Variants in MEGF9 observed in about 807,000 individuals in gnomAD.
The protein encoded by MEGF9 is multiple EGF like domains 9.
In MEGF9, 6 loss-of-function variants were observed where a neutral mutation model predicts 46.8. The ratio of observed to expected loss-of-function variants is 0.13; its 90% CI spans 0.07 to 0.25. MEGF9 has a LOEUF of 0.25. Ranked by LOEUF, MEGF9 falls within the 10% of genes least tolerant of loss-of-function variation. The probability of loss-of-function intolerance (pLI) is 1.00; values close to 1 mark genes in which losing one functional copy is unlikely to be tolerated. For synonymous variants in MEGF9, 302 were observed against 330.7 expected, an observed-to-expected ratio of 0.91 and a Z score of 0.94; for missense variants, 683 against 792.4, an observed-to-expected ratio of 0.86 and a Z score of 1.66.
chr9:120,605,240 G>A lies in MEGF9; in HGVS notation c.1759C>T (p.Pro587Ser), dbSNP rs367917074. 51 of 1,613,860 alleles carry A rather than the reference G, an allele frequency of 3.2e-5. No individual in the cohort carries two copies. Among genetic ancestry groups the A allele is most frequent in the Non-Finnish European group, 4.1e-5 (48 of 1,179,886 alleles). The change falls in exon 6 of 6, where the codon CCC becomes TCC. Residue 587 changes from proline (P) to serine (S), a missense_variant. Physicochemically the swap from Pro to Ser is moderately conservative, Grantham distance 74 (BLOSUM62 -1). Coordinates refer to ENST00000373930, the MANE Select transcript of MEGF9 (RefSeq NM_001080497.3). The surrounding 1 kb of genome is among the most constrained non-coding windows in gnomAD (Gnocchi z 4.0). Reference sequence around the variant, plus strand: ...GTCGTCAGGGTCAGCTGCCCATTGGGAGCCACTTCATTGCCATCATCTTCC... The same window carrying A: ...GTCGTCAGGGTCAGCTGCCCATTGGAAGCCACTTCATTGCCATCATCTTCC... The part of the protein sequence containing the change: ...LLEDDGNEVA[P>S]NGQLTLTTPI...
intron 3 of MEGF9, among the ~76,000 whole-genome samples, chr9:120,619,796 T>C: frequency 6.6e-6 from 1 of 152,234 alleles, no homozygotes; most frequent in East Asian, 1.9e-4. Flanking sequence ...CAAATTGCTT[T>C]CCAAAATGTT....
chr9:120,649,611 A>ATTTTCTTACTTGTTATTAAT (rs1412860589), intron 2 of MEGF9, among the ~76,000 whole-genome samples: 1 of 152,008 alleles, frequency 6.6e-6, no homozygotes, highest in African/African-American at 2.4e-5. Flanking sequence ...TAGGTAAATA[A>ATTTTCTTACTTGTTATTAAT]TTTTCTTACT....
At chr9:120,706,847 CAGAA>C (rs2043931472) in intron 1 of MEGF9, among the ~76,000 whole-genome samples, 1 of 151,950 alleles carries the variant, frequency 6.6e-6, no homozygotes, top group South Asian at 2.1e-4. Context: ...AAGAAAAAAA[CAGAA>C]AGAAGAAAAG....
intron 1 of MEGF9, among the ~76,000 whole-genome samples, chr9:120,683,925 TA>T (rs1587994773): frequency 2.6e-5 from 4 of 151,012 alleles, no homozygotes; most frequent in African/African-American, 9.7e-5. Context: ...ACAAAAAACT[TA>T]CAAGGAAAAA....
chr9:120,622,743 G>A lies in MEGF9; in HGVS notation c.816C>T (p.Cys272=), dbSNP rs987380360. The change falls in exon 3 of 6, where the codon TGC becomes TGT. Residue 272 remains cysteine, a synonymous_variant. Coordinates refer to ENST00000373930, the MANE Select transcript of MEGF9 (RefSeq NM_001080497.3). ...AGCCAATGACACCCACTTTGCACTG[G>A]CATTTCCCAGAACTGCAAATAAAAG... ...LSIPCNSSGK[C]QCKVGVIGSI... is the part of the protein sequence containing the mutation. 6.2e-7 allele frequency: 1 copy of A among 1,613,024 alleles called. No homozygotes were observed. Among genetic ancestry groups the A allele is most frequent in the Non-Finnish European group, 8.5e-7 (1 of 1,179,566 alleles).
chr9:120,669,692 A>G (rs1256824457), intron 1 of MEGF9, among the ~76,000 whole-genome samples: 2 of 152,166 alleles, frequency 1.3e-5, no homozygotes, highest in Non-Finnish European at 2.9e-5. Context: ...TAGTCTCAAA[A>G]TACATAAGGC....
chr9:120,609,695 C>T (rs2043436904), intron 4 of MEGF9, among the ~76,000 whole-genome samples: 1 of 151,914 alleles, frequency 6.6e-6, no homozygotes, highest in South Asian at 2.1e-4. Flanking sequence ...TTTTAATAAT[C>T]AACAAGTCAT....
At chr9:120,611,055 C>A (rs1039378036) in intron 4 of MEGF9, among the ~76,000 whole-genome samples, 3 of 152,104 alleles carry the variant, frequency 2.0e-5, no homozygotes, top group African/African-American at 7.2e-5. Context: ...CACTTCATAT[C>A]TACTAGGATG....
intron 2 of MEGF9, among the ~76,000 whole-genome samples, chr9:120,650,048 C>T (rs1169969676): frequency 6.6e-6 from 1 of 152,082 alleles, no homozygotes; most frequent in East Asian, 1.9e-4. Context: ...GGGTGGATCA[C>T]AAGGTCAGGA....
intron 3 of MEGF9, among the ~76,000 whole-genome samples, chr9:120,620,768 AGC>A (rs1022291594): frequency 8.5e-5 from 13 of 152,164 alleles, no homozygotes; most frequent in Non-Finnish European, 1.9e-4. Flanking sequence ...TAGAAATAAA[AGC>A]CAGTCTGACT....
At chr9:120,696,528 C>T (rs1342472681) in intron 1 of MEGF9, among the ~76,000 whole-genome samples, 4 of 152,100 alleles carry the variant, frequency 2.6e-5, no homozygotes, top group Admixed American at 2.0e-4. Flanking sequence ...ATTCATTTAA[C>T]GCTCTTAGTA....
intron 1 of MEGF9, among the ~76,000 whole-genome samples, chr9:120,662,690 A>T (rs929609924): frequency 6.6e-6 from 1 of 152,230 alleles, no homozygotes; most frequent in African/African-American, 2.4e-5. Flanking sequence ...AATTAATACA[A>T]CAGCTGGAAA....
intron 1 of MEGF9, among the ~76,000 whole-genome samples, chr9:120,665,081 C>T (rs140259530): frequency 4.6e-5 from 7 of 152,242 alleles, no homozygotes; most frequent in Non-Finnish European, 8.8e-5. Flanking sequence ...ACTATATTTA[C>T]CCTATTGTGC....
intron 2 of MEGF9, among the ~76,000 whole-genome samples, chr9:120,633,379 G>A (rs1041178100): frequency 1.3e-5 from 2 of 151,986 alleles, no homozygotes; most frequent in African/African-American, 4.8e-5. Context: ...AGATTTCTTG[G>A]CATACAGTTG....
intron 2 of MEGF9, among the ~76,000 whole-genome samples, chr9:120,628,317 T>C (rs532938188): frequency 6.6e-6 from 1 of 152,168 alleles, no homozygotes; most frequent in Admixed American, 6.5e-5. Flanking sequence ...AAGATCATTA[T>C]GCAATAAGCG....
intron 2 of MEGF9, among the ~76,000 whole-genome samples, chr9:120,637,487 T>TTA (rs1470031749): frequency 1.4e-5 from 2 of 142,746 alleles, no homozygotes; most frequent in Non-Finnish European, 3.1e-5. Flanking sequence ...TATTCTGCTT[T>TTA]AAAAAAAAAA....
intron 2 of MEGF9, among the ~76,000 whole-genome samples, chr9:120,625,204 A>G (rs572108601): frequency 3.3e-5 from 5 of 152,318 alleles, no homozygotes; most frequent in Admixed American, 6.5e-5. Flanking sequence ...CAACCACCCA[A>G]TGGGTTCACC....
At chr9:120,693,419 A>G (rs2043860351) in intron 1 of MEGF9, among the ~76,000 whole-genome samples, 1 of 152,268 alleles carries the variant, frequency 6.6e-6, no homozygotes, top group Non-Finnish European at 1.5e-5. Context: ...AGACCATTTA[A>G]TCACAGATTT....
chr9:120,605,899 C>T lies in MEGF9; in HGVS notation c.1358-258G>A, dbSNP rs1268680909. Among the ~76,000 whole-genome samples, 2 of 152,036 alleles carry T rather than the reference C, an allele frequency of 1.3e-5. No homozygotes were observed. Among genetic ancestry groups the T allele is most frequent in the African/African-American group, 4.8e-5 (2 of 41,400 alleles). On this transcript the variant is annotated intron_variant, in intron 5 of 5. Coordinates refer to ENST00000373930, the MANE Select transcript of MEGF9 (RefSeq NM_001080497.3). The surrounding 1 kb of genome is among the most constrained non-coding windows in gnomAD (Gnocchi z 4.0). ...TCTACATTAAAATCTTTGGGCCGGG[C>T]GTGGTGGCTCACACCTGTAATCCCA...
Sources: gnomAD v4.1 joint callset for allele counts (sites outside exome capture counted in the v4.1 genomes callset) on GRCh38, gnomAD v4.1.1 for gene constraint, Gnocchi (gnomAD v3.1) non-coding constraint, MANE v1.5 for transcripts, NCBI Gene and HGNC (gene_info 2026-07-23, HGNC 2026-07-21) for gene names.